MYOZ2: variants seen among roughly 807,000 people sequenced by gnomAD.
The protein encoded by MYOZ2 is myozenin-2.
A neutral mutation model predicts 25.4 loss-of-function variants in MYOZ2; 19 were observed. The ratio of observed to expected loss-of-function variants is 0.75; its 90% CI spans 0.52 to 1.10. The LOEUF (loss-of-function observed/expected upper bound fraction) is 1.10, where lower values mean the gene tolerates loss of function less well. Among genes scored for constraint, MYOZ2 ranks in the 50% least tolerant of loss-of-function variants. MYOZ2 has a pLI of 0.00. For missense variants in MYOZ2, 270 were observed against 317.9 expected (o/e 0.85, Z 1.15); for synonymous variants, 92 against 106.9 (o/e 0.86, Z 0.86).
chr4:119,138,741 A>G (rs1387928804), intron 2 of MYOZ2, among the ~76,000 whole-genome samples: 1 of 152,032 alleles, frequency 6.6e-6, no homozygotes, highest in Non-Finnish European at 1.5e-5. Flanking sequence ...CAGCCTCATA[A>G]CTCATTTAAT....
At chr4:119,170,095 C>G (rs1390735567) in intron 5 of MYOZ2, among the ~76,000 whole-genome samples, 2 of 151,980 alleles carry the variant, frequency 1.3e-5, no homozygotes, top group Non-Finnish European at 2.9e-5. Context: ...TAATGTCGTG[C>G]CACCATCACC....
intron 3 of MYOZ2, 128 bp downstream of exon 3, chr4:119,151,169 T>G (rs1008978031): frequency 6.0e-6 from 6 of 1,003,366 alleles, no homozygotes; most frequent in Non-Finnish European, 7.3e-6. Context: ...GCTATTTTTT[T>G]TTTATCATAA....
intron 5 of MYOZ2, among the ~76,000 whole-genome samples, chr4:119,173,677 G>T (rs1741991088): frequency 6.6e-6 from 1 of 152,194 alleles, no homozygotes; most frequent in South Asian, 2.1e-4. Context: ...TCCCACTTTG[G>T]CGGCACTTGA....
intron 5 of MYOZ2, among the ~76,000 whole-genome samples, chr4:119,169,274 A>G (rs761631910): frequency 5.3e-5 from 8 of 152,254 alleles, no homozygotes; most frequent in Non-Finnish European, 1.0e-4. Context: ...TACGCTGGGA[A>G]ATAAAAAATT....
chr4:119,138,113 T>C (rs767687653), intron 2 of MYOZ2, among the ~76,000 whole-genome samples: 1 of 152,160 alleles, frequency 6.6e-6, no homozygotes, highest in Non-Finnish European at 1.5e-5. Flanking sequence ...ATAAAAAATA[T>C]GTGGGAGAAA....
chr4:119,143,050 G>A (rs1436889828), intron 2 of MYOZ2, among the ~76,000 whole-genome samples: 1 of 152,134 alleles, frequency 6.6e-6, no homozygotes, highest in Non-Finnish European at 1.5e-5. Context: ...TCAAATGGCA[G>A]AGGACAAGAG....
chr4:119,184,502 A>T (rs1742253843), intron 5 of MYOZ2, among the ~76,000 whole-genome samples: 1 of 152,188 alleles, frequency 6.6e-6, no homozygotes, highest in Non-Finnish European at 1.5e-5. Context: ...TTCCCTGGTG[A>T]TTCTATCTGA....
intron 3 of MYOZ2, among the ~76,000 whole-genome samples, chr4:119,151,742 C>A (rs1262943622): frequency 6.6e-6 from 1 of 151,978 alleles, no homozygotes; most frequent in Non-Finnish European, 1.5e-5. Flanking sequence ...AAATGGCTGG[C>A]GTGAAGAATC....
At chr4:119,175,943 G>T (rs1742063851) in intron 5 of MYOZ2, among the ~76,000 whole-genome samples, 1 of 152,108 alleles carries the variant, frequency 6.6e-6, no homozygotes, top group African/African-American at 2.4e-5. Context: ...TAGGTAGCTT[G>T]TCTGGATCTT....
rs537373133 is a variant in MYOZ2 at position 119,169,713 on chromosome 4, G to T, written c.560+5319G>T. Among the ~76,000 whole-genome samples the T allele has an allele frequency of 6.8e-4, 104 of 152,310 alleles. 1 individual carries two copies. The highest frequency in any genetic ancestry group is 1.3e-3 in the Non-Finnish European group (91 of 68,022). ...TGGGAACACCAAATAGGAGTATAGG[G>T]TCTTCCAGGGAGGAGGGGTCTTGGT... On this transcript the variant is annotated intron_variant, in intron 5 of 5. Coordinates refer to ENST00000307128, the MANE Select transcript of MYOZ2 (RefSeq NM_016599.5).
At chr4:119,152,800 A>G (rs993135254) in intron 3 of MYOZ2, among the ~76,000 whole-genome samples, 21 of 152,168 alleles carry the variant, frequency 1.4e-4, no homozygotes, top group African/African-American at 4.6e-4. Flanking sequence ...TTATTGAGTT[A>G]CATAACATAC....
At chr4:119,185,436 T>C (rs966014335) in intron 5 of MYOZ2, among the ~76,000 whole-genome samples, 8 of 152,148 alleles carry the variant, frequency 5.3e-5, no homozygotes, top group East Asian at 1.9e-4. Context: ...TGCCTCAGCC[T>C]CCTGAGTAGC....
At chr4:119,153,808 A>G (rs1741510307) in intron 3 of MYOZ2, among the ~76,000 whole-genome samples, 1 of 152,152 alleles carries the variant, frequency 6.6e-6, no homozygotes, top group Non-Finnish European at 1.5e-5. Context: ...TTTCTATGAC[A>G]CAAACAGTAA....
At chr4:119,173,725 T>C (rs113588712) in intron 5 of MYOZ2, among the ~76,000 whole-genome samples, 37,294 of 152,156 alleles carry the variant, frequency 0.25, 4,956 homozygotes, top group South Asian at 0.36. Flanking sequence ...TGGGAGCCCC[T>C]TTCTGGGCTG....
chr4:119,165,167 AT>A (rs1381440517), intron 5 of MYOZ2, among the ~76,000 whole-genome samples: 1 of 150,886 alleles, frequency 6.6e-6, no homozygotes, highest in Non-Finnish European at 1.5e-5. Context: ...TAATGAGTAA[AT>A]TTTTTTATTT....
chr4:119,154,975 A>C (rs550492246), intron 3 of MYOZ2, among the ~76,000 whole-genome samples: 1 of 152,066 alleles, frequency 6.6e-6, no homozygotes, highest in South Asian at 2.1e-4. Context: ...TATTTGACTC[A>C]TGGTTCTGTG....
chr4:119,138,217 C>T (rs567841926), intron 2 of MYOZ2, among the ~76,000 whole-genome samples: 191 of 152,280 alleles, frequency 1.3e-3, no homozygotes, highest in Non-Finnish European at 2.1e-3. Context: ...GAAGCCCTCC[C>T]TCCCATGTCA....
In MYOZ2 at chr4:119,161,188, C is replaced by G. The variant is rs78527499; in HGVS notation, c.377-3023C>G. 7.2e-4 allele frequency among the ~76,000 whole-genome samples: 110 copies of G among 152,124 alleles called. No homozygotes were observed. In the East Asian group the frequency reaches 0.013, roughly 18 times the overall value. ...ATTTTTAAAGCACTAATTTATGTAC[C>G]TATTTAGAGCTAGTATCCAGTTATT... On this transcript the variant is annotated intron_variant, in intron 4 of 5. Transcript: ENST00000307128.
chr4:119,150,627 G>T (rs1333269712), intron 2 of MYOZ2, among the ~76,000 whole-genome samples: 1 of 151,930 alleles, frequency 6.6e-6, no homozygotes, highest in Non-Finnish European at 1.5e-5. Context: ...CACACTATGT[G>T]CCAGGTACCA....
Sources: gnomAD v4.1 joint callset for allele counts (sites outside exome capture counted in the v4.1 genomes callset) on GRCh38, gnomAD v4.1.1 for gene constraint, MANE v1.5 for transcripts, NCBI Gene and HGNC (gene_info 2026-07-23, HGNC 2026-07-21) for gene names.